The following URB1 variants were observed in gnomAD, a reference collection of about 807,000 sequenced individuals.
The protein encoded by URB1 is nucleolar pre-ribosomal-associated protein 1.
Under a neutral mutation model 242.3 loss-of-function variants are expected in URB1, and 197 were observed. The ratio of observed to expected loss-of-function variants is 0.81; its 90% CI spans 0.72 to 0.91. The LOEUF is 0.91. Among genes scored for constraint, URB1 ranks in the 40% least tolerant of loss-of-function variants. The probability of loss-of-function intolerance (pLI) is 0.00; values close to 1 mark genes in which losing one functional copy is unlikely to be tolerated. For missense variants in URB1, 2,721 were observed against 2,860.5 expected, an observed-to-expected ratio of 0.95 and a Z score of 1.11; for synonymous variants, 1,153 against 1,201.8, an observed-to-expected ratio of 0.96 and a Z score of 0.84.
At position 32,314,357 on chromosome 21, in the gene URB1, G is replaced by T. The variant is rs1187618905; in HGVS notation, c.*561C>A. ...GCGCTACCATGCCTGGCTAATTTTT[G>T]TATTTTTAGTAGAGATGGGGTTTCA... On this transcript the variant is annotated 3_prime_UTR_variant, in exon 39 of 39. Transcript: ENST00000382751. The T allele has an allele frequency of 1.0e-5, 5 of 502,410 alleles. No homozygotes were observed. In the Admixed American group the frequency reaches 1.5e-4, roughly 15 times the overall value. The allele number at this position is 502,410 out of a possible 1,614,324, so 31.1% of individuals were successfully genotyped here.
intron 4 of URB1, among the ~76,000 whole-genome samples, chr21:32,382,897 C>G (rs2033542152): frequency 6.6e-6 from 1 of 152,172 alleles, no homozygotes; most frequent in East Asian, 1.9e-4. Context: ...ACCAACCATC[C>G]ACACTCCCAT....
At chr21:32,340,318 T>G (rs1359934545) in intron 25 of URB1, among the ~76,000 whole-genome samples, 2 of 151,942 alleles carry the variant, frequency 1.3e-5, no homozygotes, top group African/African-American at 4.8e-5. Flanking sequence ...CTGTTGGGAG[T>G]GCAAATTCGC....
Position 32,359,630 on chromosome 21 carries a change from G to A in URB1, c.1869+166C>T, listed in dbSNP as rs112973720. Among the ~76,000 whole-genome samples, 72 of 152,162 alleles carry A rather than the reference G, an allele frequency of 4.7e-4. 1 individual carries two copies. Among genetic ancestry groups the A allele is most frequent in the Admixed American group, 2.7e-3 (41 of 15,284 alleles). ...AGCAAGCAGGTTCCCAGGCCTCCTG[G>A]TTCATGAATCAGGACCTCTGCTGTG... On this transcript the variant is annotated intron_variant, in intron 14 of 38. Coordinates refer to ENST00000382751, the MANE Select transcript of URB1 (RefSeq NM_014825.3).
chr21:32,333,500 C>A lies in URB1; in HGVS notation c.4858-81G>T. 3.7e-6 allele frequency: 4 copies of A among 1,092,966 alleles called. No homozygotes were observed. In the South Asian group the frequency reaches 6.1e-5, roughly 17 times the overall value. 67.7% of individuals were successfully genotyped at this position (1,092,966 alleles called of 1,614,324 possible). ...GGTTGAGTATCTCTTATCTGAAACA[C>A]CTGGGATCAGAAATGTTTCAGATTT... is the stretch of plus-strand genomic sequence containing the variant. On this transcript the variant is annotated intron_variant, in intron 29 of 38. Coordinates refer to ENST00000382751, the MANE Select transcript of URB1 (RefSeq NM_014825.3).
At chr21:32,345,632 T>A in intron 22 of URB1, 57 bp from the exon 23 acceptor site, 1 of 1,470,548 alleles carries the variant, frequency 6.8e-7, no homozygotes, top group South Asian at 1.4e-5. Flanking sequence ...TGCAGCCAGC[T>A]TGGACCAGCT....
At chr21:32,384,884 G>A (rs905564453) in intron 2 of URB1, among the ~76,000 whole-genome samples, 1 of 152,232 alleles carries the variant, frequency 6.6e-6, no homozygotes, top group Non-Finnish European at 1.5e-5. Context: ...GGGAGGCTGA[G>A]GCAGGAGAAT....
At position 32,383,572 on chromosome 21, in the gene URB1, G is replaced by C. The variant is rs2033550415; in HGVS notation, c.435-18C>G. 1 of 1,547,812 alleles carries C rather than the reference G, an allele frequency of 6.5e-7. No homozygotes were observed. Among genetic ancestry groups the C allele is most frequent in the Non-Finnish European group, 8.7e-7 (1 of 1,145,520 alleles). On this transcript the variant is annotated intron_variant, in intron 3 of 38. Transcript: ENST00000382751. ...GAGCCAACCTGCACAGGGAACCAGA[G>C]GAAATCGGACACGTCAACAACAGCA...
At chr21:32,337,578 G>C (rs749605729) in intron 26 of URB1, 64 bp from the exon 27 acceptor site, 1 of 1,376,062 alleles carries the variant, frequency 7.3e-7, no homozygotes, top group Non-Finnish European at 1.0e-6. Context: ...ACCAGAAGAG[G>C]AGAGAGCCTT....
chr21:32,319,443 C>T lies in URB1; in HGVS notation c.5595-29G>A, dbSNP rs551682545. ...AAACCAAGCACAACAGCCTTCAATC[C>T]GCCACATCCTGACCTTTCAGCAGGA... On this transcript the variant is annotated intron_variant, in intron 35 of 38. Coordinates refer to ENST00000382751, the MANE Select transcript of URB1 (RefSeq NM_014825.3). The T allele has an allele frequency of 1.5e-5, 23 of 1,489,670 alleles. No individual in the cohort carries two copies. The Admixed American group carries it at 3.2e-4, about 21-fold the overall frequency. The allele number at this position is 1,489,670 out of a possible 1,614,324, so 92.3% of individuals were successfully genotyped here.
chr21:32,345,147 A>AC (rs1304955957), intron 23 of URB1, among the ~76,000 whole-genome samples: 8 of 151,682 alleles, frequency 5.3e-5, no homozygotes, highest in African/African-American at 1.7e-4. Flanking sequence ...GGAGAAAATC[A>AC]CCCCCAGCTG....
chr21:32,346,871 T>C (rs1438007110), intron 22 of URB1, 85 bp downstream of exon 22: 3 of 1,436,236 alleles, frequency 2.1e-6, no homozygotes, highest in South Asian at 1.5e-5. Context: ...CCTGAATTTC[T>C]AGGGTTTAAA....
At position 32,316,717 on chromosome 21, in the gene URB1, T is replaced by G; in HGVS notation, c.6383A>C (p.His2128Pro). 1.3e-6 allele frequency: 2 copies of G among 1,551,350 alleles called. No homozygotes were observed. Among genetic ancestry groups the G allele is most frequent in the Middle Eastern group, 3.3e-4 (2 of 5,992 alleles). ...AAGLIGWLKS[H>P]ILPHPVVVAD... is the part of the protein sequence containing the mutation. ...CACGACCACAGGGTGTGGCAAAATA[T>G]GGCTCTTAAGCCAGCCAATGAGTCC... The change falls in exon 38 of 39, where the codon CAT becomes CCT. Residue 2128 changes from histidine to proline, a missense_variant. By Grantham distance (77) the His-to-Pro change is moderately conservative (BLOSUM62 -2). Coordinates refer to ENST00000382751, the MANE Select transcript of URB1 (RefSeq NM_014825.3).
Position 32,321,783 on chromosome 21 carries a change from CT to C in URB1, c.5484+17del, listed in dbSNP as rs763353412. ...CACAGACCTCTCGCTCTCAAATAAG[CT>C]TGCGGAACCCATGTACCTGTGCTGC... On this transcript the variant is annotated intron_variant, in intron 34 of 38. Transcript: ENST00000382751. 5 of 1,550,970 alleles carry C rather than the reference CT, an allele frequency of 3.2e-6. No individual in the cohort carries two copies. The highest frequency in any genetic ancestry group is 4.4e-6 in the Non-Finnish European group (5 of 1,146,486).
rs1413966079 is a variant in URB1 at position 32,312,121 on chromosome 21, C to T, written c.*2797G>A. The T allele has an allele frequency of 6.4e-7, 1 of 1,556,174 alleles. No individual in the cohort carries two copies. Among genetic ancestry groups the T allele is most frequent in the East Asian group, 2.3e-5 (1 of 42,772 alleles). ...GAAAGGGCACCTAGGTCAAGTGCAA[C>T]TAGAGCAGGAGCATCCTATGCCTTT... On this transcript the variant is annotated 3_prime_UTR_variant, in exon 39 of 39. Coordinates refer to ENST00000382751, the MANE Select transcript of URB1 (RefSeq NM_014825.3).
rs929601068 is a variant in URB1 at position 32,316,588 on chromosome 21, C to T, written c.6512G>A (p.Cys2171Tyr). ...GLAGPVQEVA[C>Y]LFNTVMLQLV... Reference sequence around the variant, plus strand: ...CTGCAGCATGACCGTATTGAACAGGCAGGCCACCTCCTGCACAGGCCCTGC... The same window carrying T: ...CTGCAGCATGACCGTATTGAACAGGTAGGCCACCTCCTGCACAGGCCCTGC... Residue 2171 changes from cysteine to tyrosine, a missense_variant, in exon 38 of 39, where the codon TGC (cysteine) becomes TAC (tyrosine). Cys to Tyr is a radical substitution (Grantham distance 194). Transcript: ENST00000382751. The T allele has an allele frequency of 6.4e-7, 1 of 1,551,484 alleles. No homozygotes were observed. The highest frequency in any genetic ancestry group is 2.0e-5 in the Admixed American group (1 of 51,012).
Position 32,361,142 on chromosome 21 carries a change from A to G in URB1, c.1640-19T>C, listed in dbSNP as rs1159934796. The G allele has an allele frequency of 8.0e-7, 1 of 1,255,906 alleles. No homozygotes were observed. Among genetic ancestry groups the G allele is most frequent in the Non-Finnish European group, 1.1e-6 (1 of 909,490 alleles). The allele number at this position is 1,255,906 out of a possible 1,614,324, so 77.8% of individuals were successfully genotyped here. A position where few individuals can be genotyped will look rare whatever the true frequency, so the allele number is the denominator to read the frequency against. ...GCATCATCTGCACAAAAAAAAGAAA[A>G]AGAAAGAAAAAGAGAAAAAAGAAAG... On this transcript the variant is annotated intron_variant, in intron 12 of 38. Coordinates refer to ENST00000382751, the MANE Select transcript of URB1 (RefSeq NM_014825.3).
In URB1 at chr21:32,317,072, A is replaced by C; in HGVS notation, c.6035-7T>G. ...TTCTTATCCTTGAGCATTTCTGTTAAATGCACAAAGAGAAGGTAATGAGAC... is the reference window on the plus strand; with the variant it reads ...TTCTTATCCTTGAGCATTTCTGTTACATGCACAAAGAGAAGGTAATGAGAC... On this transcript the variant is annotated splice_region_variant and splice_polypyrimidine_tract_variant and intron_variant, in intron 37 of 38. Coordinates refer to ENST00000382751, the MANE Select transcript of URB1 (RefSeq NM_014825.3). 1 of 1,522,068 alleles carries C rather than the reference A, an allele frequency of 6.6e-7. No homozygotes were observed. The highest frequency in any genetic ancestry group is 8.8e-7 in the Non-Finnish European group (1 of 1,134,498). The allele number at this position is 1,522,068 out of a possible 1,614,324, so 94.3% of individuals were successfully genotyped here.
Position 32,312,143 on chromosome 21 carries a change from C to T in URB1, c.*2775G>A. On this transcript the variant is annotated 3_prime_UTR_variant, in exon 39 of 39. Transcript: ENST00000382751. Reference sequence around the variant, plus strand: ...CAACTAGAGCAGGAGCATCCTATGCCTTTGACAAAGATTGCAGTGGCCCCT... The same window carrying T: ...CAACTAGAGCAGGAGCATCCTATGCTTTTGACAAAGATTGCAGTGGCCCCT... 1 of 1,535,026 alleles carries T rather than the reference C, an allele frequency of 6.5e-7. No individual in the cohort carries two copies. Among genetic ancestry groups the T allele is most frequent in the Non-Finnish European group, 8.7e-7 (1 of 1,145,804 alleles).
intron 23 of URB1, 96 bp from the exon 24 acceptor site, chr21:32,344,852 T>G: frequency 7.5e-7 from 1 of 1,324,530 alleles, no homozygotes. Flanking sequence ...ATGGGATAGA[T>G]GCTGAGTCCT....
Sources: gnomAD v4.1 joint callset for allele counts (sites outside exome capture counted in the v4.1 genomes callset) on GRCh38, gnomAD v4.1.1 for gene constraint, MANE v1.5 for transcripts, NCBI Gene and HGNC (gene_info 2026-07-23, HGNC 2026-07-21) for gene names.